Variants in GPRIN2 observed in about 807,000 individuals in gnomAD.
GPRIN2 encodes the protein G protein-regulated inducer of neurite outgrowth 2.
Under a neutral mutation model 0.3 loss-of-function variants are expected in GPRIN2, and 1 was observed. The observed-to-expected ratio is 3.90, with a 90% confidence interval of 1.39 to 18.51. GPRIN2 has a LOEUF of 18.51. Ranked by LOEUF, GPRIN2 falls within the 30% of genes most tolerant of loss-of-function variation. GPRIN2 has a pLI of 0.11. For missense variants in GPRIN2, 880 were observed against 604.2 expected, an observed-to-expected ratio of 1.46 and a Z score of -4.79; for synonymous variants, 361 against 258.6, an observed-to-expected ratio of 1.40 and a Z score of -3.80.
At position 46,542,997 on chromosome 10, in the gene GPRIN2, C is replaced by T. The variant is rs1435536346; in HGVS notation, c.*6363G>A. Among the ~76,000 whole-genome samples, 11 of 152,412 alleles carry T rather than the reference C, an allele frequency of 7.2e-5. No individual in the cohort carries two copies. In the South Asian group the frequency reaches 8.3e-4, roughly 11 times the overall value. Reference sequence around the variant, plus strand: ...GGACTGATGGGGTGCCCTTCCAGCCCGACCAAAGTCCTTCCATTCACCCAG... The same window carrying T: ...GGACTGATGGGGTGCCCTTCCAGCCTGACCAAAGTCCTTCCATTCACCCAG... On this transcript the variant is annotated 3_prime_UTR_variant, in exon 3 of 3. Transcript: ENST00000374314.
chr10:46,544,627 TCC>T lies in GPRIN2; in HGVS notation c.*4731_*4732del. On this transcript the variant is annotated 3_prime_UTR_variant, in exon 3 of 3. Coordinates refer to ENST00000374314, the MANE Select transcript of GPRIN2 (RefSeq NM_001385282.1). ...GCATGAGCCACTGTACCAGGCTGAGTCCACACTTCTAAGCTTGCTGTTGCTCT... is the reference window on the plus strand; with the variant it reads ...GCATGAGCCACTGTACCAGGCTGAGTACACTTCTAAGCTTGCTGTTGCTCT... Among the ~76,000 whole-genome samples, 1 of 152,312 alleles carries T rather than the reference TCC, an allele frequency of 6.6e-6. No homozygotes were observed. Among genetic ancestry groups the T allele is most frequent in the Non-Finnish European group, 1.5e-5 (1 of 68,058 alleles).
At position 46,546,868 on chromosome 10, in the gene GPRIN2, G is replaced by A. The variant is rs1832878812; in HGVS notation, c.*2492C>T. Among the ~76,000 whole-genome samples the A allele has an allele frequency of 1.6e-4, 24 of 152,408 alleles. No homozygotes were observed. The Middle Eastern group carries it at 0.01, about 65-fold the overall frequency. ...GACACAGGTGTTGGATTTCAGCACC[G>A]CTCTGCAAATACTCATCTCAGTGAC... On this transcript the variant is annotated 3_prime_UTR_variant, in exon 3 of 3. Transcript: ENST00000374314.
chr10:46,553,810 A>C (rs1842873223), intron 2 of GPRIN2, among the ~76,000 whole-genome samples: 2 of 152,308 alleles, frequency 1.3e-5, no homozygotes, highest in African/African-American at 4.8e-5. Context: ...TCAGAACCCC[A>C]ATGGATTGGC....
chr10:46,553,196 A>G (rs1004470263), intron 2 of GPRIN2, among the ~76,000 whole-genome samples: 2 of 152,308 alleles, frequency 1.3e-5, no homozygotes, highest in Non-Finnish European at 2.9e-5. Context: ...CCCTTCGAGC[A>G]CTGAGCAGGC....
Position 46,549,303 on chromosome 10 carries a change from G to C in GPRIN2, c.*57C>G, listed in dbSNP as rs1842438748. 6.9e-7 allele frequency: 1 copy of C among 1,443,028 alleles called. No homozygotes were observed. Among genetic ancestry groups the C allele is most frequent in the Non-Finnish European group, 9.1e-7 (1 of 1,096,900 alleles). 89.4% of individuals were successfully genotyped at this position (1,443,028 alleles called of 1,614,324 possible). On this transcript the variant is annotated 3_prime_UTR_variant, in exon 3 of 3. Transcript: ENST00000374314. ...GGGGCACGGAGCCCCCACCGTCCCT[G>C]GCCCAGGTCTAGGACTAAGTCAGTG...
In GPRIN2 at chr10:46,549,061, C is replaced by A. The variant is rs1842415312; in HGVS notation, c.*299G>T. ...TCTGAGGGTGGAGTGAACAAAAGGT[C>A]ATTTTTTACAGAAAACTCAGGATCT... On this transcript the variant is annotated 3_prime_UTR_variant, in exon 3 of 3. Coordinates refer to ENST00000374314, the MANE Select transcript of GPRIN2 (RefSeq NM_001385282.1). The A allele has an allele frequency of 2.4e-6, 1 of 410,058 alleles. No individual in the cohort carries two copies. The highest frequency in any genetic ancestry group is 4.4e-6 in the Non-Finnish European group (1 of 225,868). The allele number at this position is 410,058 out of a possible 1,614,324, so 25.4% of individuals were successfully genotyped here.
rs1222985905 is a variant in GPRIN2 at position 46,545,232 on chromosome 10, A to C, written c.*4128T>G. 6.6e-6 allele frequency among the ~76,000 whole-genome samples: 1 copy of C among 152,302 alleles called. No homozygotes were observed. Among genetic ancestry groups the C allele is most frequent in the Admixed American group, 6.5e-5 (1 of 15,294 alleles). On this transcript the variant is annotated 3_prime_UTR_variant, in exon 3 of 3. Coordinates refer to ENST00000374314, the MANE Select transcript of GPRIN2 (RefSeq NM_001385282.1). ...CTCCCTCTGGTGGTTTCTGTGCACAACTTCCCCCAAAATAGGCCCTACGAC... is the reference window on the plus strand; with the variant it reads ...CTCCCTCTGGTGGTTTCTGTGCACACCTTCCCCCAAAATAGGCCCTACGAC...
chr10:46,551,027 A>C (rs1842541840), intron 2 of GPRIN2, among the ~76,000 whole-genome samples: 1 of 152,312 alleles, frequency 6.6e-6, no homozygotes, highest in African/African-American at 2.4e-5. Flanking sequence ...CCGCCACTCT[A>C]TCAGCTCTCA....
rs1842136718 is a variant in GPRIN2 at position 46,546,108 on chromosome 10, A to G, written c.*3252T>C. On this transcript the variant is annotated 3_prime_UTR_variant, in exon 3 of 3. Coordinates refer to ENST00000374314, the MANE Select transcript of GPRIN2 (RefSeq NM_001385282.1). ...AGGTAAGATCACAGTGGAACAGGCC[A>G]TCCCTGCTTTTCCACCACCACCAGC... is the stretch of plus-strand genomic sequence containing the variant. Among the ~76,000 whole-genome samples the G allele has an allele frequency of 6.6e-6, 1 of 152,308 alleles. No individual in the cohort carries two copies. Among genetic ancestry groups the G allele is most frequent in the Non-Finnish European group, 1.5e-5 (1 of 68,058 alleles).
At chr10:46,553,226 C>T (rs1476875846) in intron 2 of GPRIN2, among the ~76,000 whole-genome samples, 2 of 152,310 alleles carry the variant, frequency 1.3e-5, no homozygotes, top group Non-Finnish European at 2.9e-5. Context: ...GCAGCTCTCA[C>T]CCTTTTTACT....
intron 2 of GPRIN2, among the ~76,000 whole-genome samples, chr10:46,553,253 G>A (rs1336266182): frequency 2.6e-5 from 4 of 152,308 alleles, no homozygotes; most frequent in African/African-American, 9.6e-5. Context: ...GCCTGGCCCT[G>A]CCAATCGTGC....
rs147497181 is a variant in GPRIN2, at chr10:46,549,477, C to G, written c.1260G>C (p.Arg420=). Residue 420 remains arginine, a synonymous_variant, in exon 3 of 3, where the codon CGG becomes CGC. Coordinates refer to ENST00000374314, the MANE Select transcript of GPRIN2 (RefSeq NM_001385282.1). ...ACAGGCTGTCCTCGCTGGCGGGCGCCCGCTGCAGCTGCTCAAACTGCATCT... is the reference window on the plus strand; with the variant it reads ...ACAGGCTGTCCTCGCTGGCGGGCGCGCGCTGCAGCTGCTCAAACTGCATCT... The part of the protein sequence containing the change: ...HLEMQFEQLQ[R]APASEDSLSV... 1.3e-5 allele frequency: 21 copies of G among 1,611,270 alleles called. No individual in the cohort carries two copies. The African/African-American group carries it at 2.5e-4, about 19-fold the overall frequency.
chr10:46,557,462 C>T (rs1843364090), upstream of GPRIN2, among the ~76,000 whole-genome samples: 1 of 152,308 alleles, frequency 6.6e-6, no homozygotes, highest in African/African-American at 2.4e-5. Context: ...GCCCACGTGC[C>T]CCTACCCAGC....
intron 1 of GPRIN2, among the ~76,000 whole-genome samples, chr10:46,556,207 G>A (rs1164365122): frequency 6.6e-6 from 1 of 152,308 alleles, no homozygotes; most frequent in Non-Finnish European, 1.5e-5. Context: ...GGAGAGGGAG[G>A]AGCGATGGCA....
intron 1 of GPRIN2, among the ~76,000 whole-genome samples, chr10:46,555,134 T>G (rs1843035810): frequency 6.6e-6 from 1 of 152,304 alleles, no homozygotes; most frequent in Non-Finnish European, 1.5e-5. Context: ...TTAGTAGAGA[T>G]GGGGTTTTCG....
chr10:46,548,418 G>C lies in GPRIN2; in HGVS notation c.*942C>G. 6.6e-6 allele frequency among the ~76,000 whole-genome samples: 1 copy of C among 152,306 alleles called. No individual in the cohort carries two copies. Among genetic ancestry groups the C allele is most frequent in the East Asian group, 1.9e-4 (1 of 5,208 alleles). On this transcript the variant is annotated 3_prime_UTR_variant, in exon 3 of 3. Coordinates refer to ENST00000374314, the MANE Select transcript of GPRIN2 (RefSeq NM_001385282.1). ...CTCCTTCCACAAACTGCACCAGCTGGGGAGAAATCCTTCAGCCGACAGAAT... is the reference window on the plus strand; with the variant it reads ...CTCCTTCCACAAACTGCACCAGCTGCGGAGAAATCCTTCAGCCGACAGAAT...
chr10:46,546,259 A>G lies in GPRIN2; in HGVS notation c.*3101T>C, dbSNP rs1184184358. On this transcript the variant is annotated 3_prime_UTR_variant, in exon 3 of 3. Coordinates refer to ENST00000374314, the MANE Select transcript of GPRIN2 (RefSeq NM_001385282.1). ...CAGGCAGGCCCAGAGGGGACAAGCTATATGAAGAGAGGCTTCAGCTGTCGG... is the reference window on the plus strand; with the variant it reads ...CAGGCAGGCCCAGAGGGGACAAGCTGTATGAAGAGAGGCTTCAGCTGTCGG... 6.6e-6 allele frequency among the ~76,000 whole-genome samples: 1 copy of G among 152,306 alleles called. No individual in the cohort carries two copies. The highest frequency in any genetic ancestry group is 2.4e-5 in the African/African-American group (1 of 41,486).
Position 46,547,863 on chromosome 10 carries a change from T to C in GPRIN2, c.*1497A>G, listed in dbSNP as rs1842310473. 6.6e-6 allele frequency among the ~76,000 whole-genome samples: 1 copy of C among 152,294 alleles called. No individual in the cohort carries two copies. Among genetic ancestry groups the C allele is most frequent in the African/African-American group, 2.4e-5 (1 of 41,486 alleles). On this transcript the variant is annotated 3_prime_UTR_variant, in exon 3 of 3. Coordinates refer to ENST00000374314, the MANE Select transcript of GPRIN2 (RefSeq NM_001385282.1). ...GGGTGAGAATGGTCCATCGTTGGGC[T>C]TCAGGAGGCATCTGACCTGACGCAC...
In GPRIN2 at chr10:46,544,929, C is replaced by A. The variant is rs942364912; in HGVS notation, c.*4431G>T. Among the ~76,000 whole-genome samples, 1 of 152,310 alleles carries A rather than the reference C, an allele frequency of 6.6e-6. No homozygotes were observed. Among genetic ancestry groups the A allele is most frequent in the Non-Finnish European group, 1.5e-5 (1 of 68,058 alleles). ...GGATGTCCCAGTGATATGTCCTGGGCTTCATACCAGCCCTGCCCTGCCTGA... is the reference window on the plus strand; with the variant it reads ...GGATGTCCCAGTGATATGTCCTGGGATTCATACCAGCCCTGCCCTGCCTGA... On this transcript the variant is annotated 3_prime_UTR_variant, in exon 3 of 3. Transcript: ENST00000374314.
Sources: allele counts gnomAD v4.1 joint callset (sites outside exome capture counted in the v4.1 genomes callset), GRCh38; gene constraint gnomAD v4.1.1; transcripts MANE v1.5; gene names NCBI Gene and HGNC (gene_info 2026-07-23, HGNC 2026-07-21).